PCDH11X: variants seen among roughly 807,000 people sequenced by gnomAD.
PCDH11X encodes protocadherin-11 X-linked.
In PCDH11X, 18 loss-of-function variants were observed where a neutral mutation model predicts 53.3. That is an observed-to-expected ratio of 0.34 (90% CI 0.23 to 0.50). The LOEUF (loss-of-function observed/expected upper bound fraction) is 0.50. Ranked by LOEUF, PCDH11X falls within the 20% of genes least tolerant of loss-of-function variation. PCDH11X has a pLI of 0.98. For missense variants in PCDH11X, 570 were observed against 1,032.4 expected (o/e 0.55, Z 6.14); for synonymous variants, 279 against 393.3 (o/e 0.71, Z 3.44).
intron 8 of PCDH11X, among the ~76,000 whole-genome samples, chrX:92,321,223 C>G (rs1176008405): frequency 1.1e-5 from 1 of 93,516 alleles, no homozygotes; most frequent in Admixed American, 1.3e-4. Context: ...GATGGAGTCT[C>G]GCTCTGTCGC....
Position 92,185,179 on chromosome X carries a change from G to A in PCDH11X, c.3034-16196G>A, listed in dbSNP as rs770963172. ...GAGAATCACTTGAGACCAAGGGTTCGAGGCTGCAGTGAGCTATGATTGCAC... is the reference window on the plus strand; with the variant it reads ...GAGAATCACTTGAGACCAAGGGTTCAAGGCTGCAGTGAGCTATGATTGCAC... On this transcript the variant is annotated intron_variant, in intron 6 of 10. Transcript: ENST00000682573. Among the ~76,000 whole-genome samples the A allele has an allele frequency of 2.6e-4, 29 of 110,896 alleles. No individual in the cohort carries two copies. In the South Asian group the frequency reaches 0.011, roughly 42 times the overall value.
intron 8 of PCDH11X, among the ~76,000 whole-genome samples, chrX:92,328,569 TAA>T (rs949891422): frequency 9.1e-5 from 10 of 110,309 alleles, no homozygotes; most frequent in Non-Finnish European, 1.3e-4. Flanking sequence ...TGATAAGATT[TAA>T]AAAGAGAGAA....
chrX:92,604,154 A>C (rs1210447735), intron 10 of PCDH11X, among the ~76,000 whole-genome samples: 2 of 109,708 alleles, frequency 1.8e-5, no homozygotes, highest in East Asian at 5.8e-4. Flanking sequence ...CAGGAAAAGA[A>C]ATAAAAGAAC....
chrX:92,247,550 G>T (rs1040556867), intron 7 of PCDH11X, among the ~76,000 whole-genome samples: 5 of 111,411 alleles, frequency 4.5e-5, no homozygotes, highest in Admixed American at 9.6e-5. Flanking sequence ...CTGAAATCAG[G>T]TGTTCTCAGA....
intron 8 of PCDH11X, among the ~76,000 whole-genome samples, chrX:92,270,141 G>A (rs1360513049): frequency 1.6e-4 from 15 of 95,146 alleles, no homozygotes; most frequent in African/African-American, 5.7e-4. Context: ...TTTGAGACTC[G>A]CTCTGTCCCC....
chrX:91,780,239 G>A (rs1376077735), intron 1 of PCDH11X, among the ~76,000 whole-genome samples: 1 of 111,482 alleles, frequency 9.0e-6, no homozygotes, highest in African/African-American at 3.3e-5. Flanking sequence ...GACCCTTGGC[G>A]CAGAGAGGAG....
At chrX:91,856,749 T>C (rs5984835) in intron 5 of PCDH11X, among the ~76,000 whole-genome samples, 11,711 of 110,049 alleles carry the variant, frequency 0.11, 1,577 homozygotes, top group African/African-American at 0.37. Context: ...ATGGCTTCCA[T>C]CTCCACCCAT....
At chrX:92,491,317 C>A (rs1008176332) in intron 10 of PCDH11X, among the ~76,000 whole-genome samples, 4 of 110,880 alleles carry the variant, frequency 3.6e-5, no homozygotes, top group African/African-American at 1.3e-4. Context: ...TGAAATTGAG[C>A]AAGTATAGTG....
chrX:91,818,359 A>G (rs1312391212), intron 4 of PCDH11X, among the ~76,000 whole-genome samples: 1 of 105,338 alleles, frequency 9.5e-6, no homozygotes, highest in Non-Finnish European at 1.9e-5. Context: ...ATAACCGCAA[A>G]TGCATGAAGA....
chrX:91,946,785 G>C (rs1254606548), intron 6 of PCDH11X, among the ~76,000 whole-genome samples: 2 of 96,447 alleles, frequency 2.1e-5, no homozygotes, highest in Non-Finnish European at 4.2e-5. Flanking sequence ...TAATCACTGT[G>C]ACTATTCAAA....
intron 7 of PCDH11X, among the ~76,000 whole-genome samples, chrX:92,220,751 T>C (rs1283680315): frequency 9.3e-6 from 1 of 107,715 alleles, no homozygotes; most frequent in Non-Finnish European, 1.9e-5. Flanking sequence ...CATGCACAGG[T>C]ATGTTTATTG....
Position 92,277,515 on chromosome X carries a change from G to A in PCDH11X, c.3144+14372G>A, listed in dbSNP as rs150528603. Among the ~76,000 whole-genome samples, 177 of 108,521 alleles carry A rather than the reference G, an allele frequency of 1.6e-3. 3 individuals carry two copies. The highest frequency in any genetic ancestry group is 0.015 in the East Asian group (52 of 3,419). 94.2% of individuals were successfully genotyped at this position (108,521 alleles called of 115,157 possible). On this transcript the variant is annotated intron_variant, in intron 8 of 10. Coordinates refer to ENST00000682573, the MANE Select transcript of PCDH11X (RefSeq NM_032968.5). ...TGGAGGGTGGAAGGTTGCCTATAGC[G>A]AAGGAAGCAAGCCTAGAGGAAAGAG...
At chrX:91,875,511 T>C (rs1939560992) in intron 5 of PCDH11X, among the ~76,000 whole-genome samples, 1 of 108,716 alleles carries the variant, frequency 9.2e-6, no homozygotes, top group Non-Finnish European at 1.9e-5. Context: ...CAGGATGGTC[T>C]CGATCTCCTG....
chrX:92,067,845 T>C (rs898430462), intron 6 of PCDH11X, among the ~76,000 whole-genome samples: 3 of 111,442 alleles, frequency 2.7e-5, no homozygotes, highest in African/African-American at 9.8e-5. Context: ...TTGTTACTTG[T>C]TATTGGTCTG....
chrX:92,194,165 G>T (rs1263506686), intron 6 of PCDH11X, among the ~76,000 whole-genome samples: 2 of 111,332 alleles, frequency 1.8e-5, no homozygotes, highest in Non-Finnish European at 3.8e-5. Flanking sequence ...AAATAATTGG[G>T]GATCATTAGT....
chrX:92,397,507 A>C (rs2071274819), intron 9 of PCDH11X, among the ~76,000 whole-genome samples: 1 of 108,581 alleles, frequency 9.2e-6, no homozygotes, highest in Admixed American at 1.0e-4. Flanking sequence ...TCTCACTGTC[A>C]CCCAGGCTGT....
At chrX:92,466,420 T>C (rs1355264435) in intron 9 of PCDH11X, among the ~76,000 whole-genome samples, 12 of 108,514 alleles carry the variant, frequency 1.1e-4, no homozygotes, top group Non-Finnish European at 1.2e-4. Flanking sequence ...ATAATTATAA[T>C]GAATGCATTT....
intron 6 of PCDH11X, among the ~76,000 whole-genome samples, chrX:92,019,699 G>A (rs1342823516): frequency 8.9e-6 from 1 of 112,151 alleles, no homozygotes; most frequent in Non-Finnish European, 1.9e-5. Context: ...CTGGGACACA[G>A]CTAAGGCAGT....
chrX:92,598,437 G>A (rs1925863072), intron 10 of PCDH11X, among the ~76,000 whole-genome samples: 1 of 110,114 alleles, frequency 9.1e-6, no homozygotes, highest in Admixed American at 9.7e-5. Flanking sequence ...TGGCAAGCAG[G>A]CATATGAAAG....
Sources: gnomAD v4.1 joint callset for allele counts (sites outside exome capture counted in the v4.1 genomes callset) on GRCh38, gnomAD v4.1.1 for gene constraint, MANE v1.5 for transcripts, NCBI Gene and HGNC (gene_info 2026-07-23, HGNC 2026-07-21) for gene names.